The following KIF1C variants were observed in gnomAD, a reference collection of about 807,000 sequenced individuals.
The protein encoded by KIF1C is kinesin family member 1C.
A neutral mutation model predicts 126.5 loss-of-function variants in KIF1C; 61 were observed. The observed-to-expected ratio is 0.48, with a 90% CI of 0.39 to 0.60. The LOEUF is 0.60. Among genes scored for constraint, KIF1C ranks in the 20% least tolerant of loss-of-function variants. The pLI is 0.00. For synonymous variants in KIF1C, 640 were observed against 580.6 expected, an observed-to-expected ratio of 1.10 and a Z score of -1.47; for missense variants, 1,315 against 1,489.2, an observed-to-expected ratio of 0.88 and a Z score of 1.93.
rs758315025 is a variant in KIF1C at position 5,020,684 on chromosome 17, A to AG, written c.1937+11dup. 2.5e-6 allele frequency: 4 copies of AG among 1,613,124 alleles called. No homozygotes were observed. In the African/African-American group the frequency reaches 5.3e-5, roughly 22 times the overall value. ...AAGCTGGAAATGGAGAAGAGGTGCG[A>AG]GGGGGTTACCCACGTGCCCCATGGC... On this transcript the variant is annotated splice_region_variant and intron_variant, in intron 20 of 22. Transcript: ENST00000320785. The surrounding 1 kb of genome is among the most constrained non-coding windows in gnomAD (Gnocchi z 5.8).
intron 13 of KIF1C, 152 bp from the exon 14 acceptor site, chr17:5,006,763 A>G (rs1974743496): frequency 1.3e-6 from 1 of 741,632 alleles, no homozygotes. Flanking sequence ...CCATGGCTGC[A>G]GTAGGAGGGC....
chr17:5,013,562 C>A, intron 16 of KIF1C, 91 bp from the exon 17 acceptor site: 2 of 872,442 alleles, frequency 2.3e-6, no homozygotes, highest in Non-Finnish European at 3.8e-6. Flanking sequence ...AGTGCCAGGA[C>A]TGGAGGGGTG....
At chr17:5,013,053 A>G (rs1974900506) in intron 16 of KIF1C, among the ~76,000 whole-genome samples, 1 of 152,170 alleles carries the variant, frequency 6.6e-6, no homozygotes, top group Non-Finnish European at 1.5e-5. Context: ...AGAGTCAATG[A>G]GTCTGCTTCG....
chr17:5,007,862 T>A (rs951275868), intron 16 of KIF1C, among the ~76,000 whole-genome samples: 7 of 152,144 alleles, frequency 4.6e-5, no homozygotes, highest in African/African-American at 1.7e-4. Context: ...ACTAAAGAAA[T>A]CTATTTTTCA....
In KIF1C at chr17:5,007,555, TCGAG is replaced by T. The variant is rs1270287873; in HGVS notation, c.1491+18_1491+21del. 6.5e-7 allele frequency: 1 copy of T among 1,539,452 alleles called. No homozygotes were observed. The highest frequency in any genetic ancestry group is 2.3e-5 in the East Asian group (1 of 44,354). On this transcript the variant is annotated intron_variant, in intron 16 of 22. Coordinates refer to ENST00000320785, the MANE Select transcript of KIF1C (RefSeq NM_006612.6). ...CTCTCCAAAGAAGGTGAGTGAGGAA[TCGAG>T]CGAGGAGGCCTAGAGAGCTCTCTGG...
chr17:4,998,310 G>A (rs146557564), intron 1 of KIF1C, among the ~76,000 whole-genome samples, 154 bp downstream of exon 1: 1,738 of 152,298 alleles, frequency 0.011, 21 homozygotes, highest in Non-Finnish European at 0.014. Context: ...GCCAGGCCCG[G>A]GCGGCCGCCG....
chr17:5,023,077 C>T lies in KIF1C; in HGVS notation c.2628+368C>T, dbSNP rs1201121528. Among the ~76,000 whole-genome samples, 4 of 152,212 alleles carry T rather than the reference C, an allele frequency of 2.6e-5. No homozygotes were observed. Among genetic ancestry groups the T allele is most frequent in the African/African-American group, 9.6e-5 (4 of 41,452 alleles). ...GTTGCCAGTCTGGAGTGCAGTGGCA[C>T]AATCTCGGCTCACTGCAACTTCCGC... is the stretch of plus-strand genomic sequence containing the variant. On this transcript the variant is annotated intron_variant, in intron 22 of 22. Coordinates refer to ENST00000320785, the MANE Select transcript of KIF1C (RefSeq NM_006612.6). The surrounding 1 kb of genome is among the most constrained non-coding windows in gnomAD (Gnocchi z 4.2).
At chr17:5,002,194 A>C in intron 6 of KIF1C, 70 bp downstream of exon 6, 1 of 1,415,062 alleles carries the variant, frequency 7.1e-7, no homozygotes, top group Non-Finnish European at 1.0e-6. Flanking sequence ...GGAATCAGAC[A>C]GCCTGGGATC....
chr17:5,014,932 G>C (rs766420497), intron 18 of KIF1C, 95 bp downstream of exon 18: 12 of 1,002,194 alleles, frequency 1.2e-5, no homozygotes, highest in Non-Finnish European at 1.8e-5. Context: ...GGGCACCAGG[G>C]AGTGCAGCCA....
intron 16 of KIF1C, among the ~76,000 whole-genome samples, 173 bp from the exon 17 acceptor site, chr17:5,013,480 G>A (rs1017113005): frequency 1.3e-5 from 2 of 152,084 alleles, no homozygotes; most frequent in African/African-American, 2.4e-5. Context: ...GAACGTCATC[G>A]GGGTGGAGGG....
chr17:5,000,227 G>T lies in KIF1C; in HGVS notation c.-20G>T. 6.5e-7 allele frequency: 1 copy of T among 1,530,094 alleles called. No individual in the cohort carries two copies. The highest frequency in any genetic ancestry group is 8.9e-7 in the Non-Finnish European group (1 of 1,125,600). 94.8% of individuals were successfully genotyped at this position (1,530,094 alleles called of 1,614,324 possible). On this transcript the variant is annotated 5_prime_UTR_variant, in exon 3 of 23. It adds an upstream start codon to the 5' untranslated region. Coordinates refer to ENST00000320785, the MANE Select transcript of KIF1C (RefSeq NM_006612.6). ...CCTTTCTCTGTCCTCCAGCTGAGGAGGGCAGGAGTGTCTGGAGCTATGGCT... is the reference window on the plus strand; with the variant it reads ...CCTTTCTCTGTCCTCCAGCTGAGGATGGCAGGAGTGTCTGGAGCTATGGCT...
chr17:5,024,438 G>C lies in KIF1C; in HGVS notation c.*287G>C, dbSNP rs191657829. On this transcript the variant is annotated 3_prime_UTR_variant, in exon 23 of 23. Transcript: ENST00000320785. ...CCACAAACGCTGCTATGGGTGGGGT[G>C]GGGGGCTGGGGTGCTGCGTAGCCAG... 35 of 376,112 alleles carry C rather than the reference G, an allele frequency of 9.3e-5. No individual in the cohort carries two copies. The highest frequency in any genetic ancestry group is 5.8e-4 in the African/African-American group (28 of 48,000). 23.3% of individuals were successfully genotyped at this position (376,112 alleles called of 1,614,324 possible).
Position 5,004,931 on chromosome 17 carries a change from C to T in KIF1C, c.1096C>T (p.Leu366=). The T allele has an allele frequency of 6.2e-7, 1 of 1,614,218 alleles. No individual in the cohort carries two copies. Residue 366 remains leucine, a synonymous_variant, in exon 13 of 23, where the codon CTG becomes TTG. Coordinates refer to ENST00000320785, the MANE Select transcript of KIF1C (RefSeq NM_006612.6). ...EDPNARLIRE[L]QEEVARLREL... ...CCCTAATGCCCGGCTGATTAGAGAGCTGCAGGAGGAAGTAGCCCGGCTGCG... is the reference window on the plus strand; with the variant it reads ...CCCTAATGCCCGGCTGATTAGAGAGTTGCAGGAGGAAGTAGCCCGGCTGCG...
rs2143403914 is a variant in KIF1C at position 5,026,745 on chromosome 17, A to C, written c.*2594A>C. On this transcript the variant is annotated 3_prime_UTR_variant, in exon 23 of 23. Transcript: ENST00000320785. ...GGGCAAGAGTGGGACTCTCTCAAAAAAAAAAAAAAAAAAAAATCCACATAT... is the reference window on the plus strand; with the variant it reads ...GGGCAAGAGTGGGACTCTCTCAAAACAAAAAAAAAAAAAAAATCCACATAT... 6.6e-6 allele frequency: 1 copy of C among 150,962 alleles called. No individual in the cohort carries two copies. Among genetic ancestry groups the C allele is most frequent in the Non-Finnish European group, 1.5e-5 (1 of 67,782 alleles). 9.4% of individuals were successfully genotyped at this position (150,962 alleles called of 1,614,324 possible). A position where few individuals can be genotyped will look rare whatever the true frequency, so the allele number is the denominator to read the frequency against.
intron 16 of KIF1C, 28 bp downstream of exon 16, chr17:5,007,570 T>C (rs1199712891): frequency 2.6e-6 from 4 of 1,513,732 alleles, no homozygotes; most frequent in South Asian, 1.3e-5. Flanking sequence ...CGAGGAGGCC[T>C]AGAGAGCTCT....
At chr17:5,012,957 G>C (rs929646172) in intron 16 of KIF1C, among the ~76,000 whole-genome samples, 1 of 152,134 alleles carries the variant, frequency 6.6e-6, no homozygotes, top group South Asian at 2.1e-4. Flanking sequence ...CTTGGCTGGG[G>C]GCCTTAGGCA....
Position 5,024,310 on chromosome 17 carries a change from A to G in KIF1C, c.*159A>G. 1 of 556,184 alleles carries G rather than the reference A, an allele frequency of 1.8e-6. No individual in the cohort carries two copies. The highest frequency in any genetic ancestry group is 2.6e-5 in the South Asian group (1 of 38,766). 34.5% of individuals were successfully genotyped at this position (556,184 alleles called of 1,614,324 possible). A position where few individuals can be genotyped will look rare whatever the true frequency, so the allele number is the denominator to read the frequency against. ...GAAGACAAGGGGGAGACCGAGCCGG[A>G]GGCTGAGGAAAGGAAGAGGGCACGG... On this transcript the variant is annotated 3_prime_UTR_variant, in exon 23 of 23. Coordinates refer to ENST00000320785, the MANE Select transcript of KIF1C (RefSeq NM_006612.6).
intron 16 of KIF1C, among the ~76,000 whole-genome samples, chr17:5,009,746 C>T (rs1974818721): frequency 6.7e-6 from 1 of 149,268 alleles, no homozygotes; most frequent in Non-Finnish European, 1.5e-5. Flanking sequence ...TGAGATCGCA[C>T]CACTGCACTC....
chr17:5,024,053 C>T lies in KIF1C; in HGVS notation c.3214C>T (p.Arg1072Trp), dbSNP rs748194713. ...PQPPQPYPAQ[R>W]PPGPRYPPYT... ...GCCACCCCAACCCTACCCAGCCCAGCGGCCCCCAGGGCCCCGCTACCCCCC... is the reference window on the plus strand; with the variant it reads ...GCCACCCCAACCCTACCCAGCCCAGTGGCCCCCAGGGCCCCGCTACCCCCC... The change falls in exon 23 of 23, where the codon CGG becomes TGG. Residue 1072 changes from arginine to tryptophan, a missense_variant. By Grantham distance (101) the Arg-to-Trp change is moderately radical. This residue lies in a region of KIF1C where 441 missense variants were observed against 436.1 expected (regional missense o/e 1.01). Transcript: ENST00000320785. The T allele has an allele frequency of 8.3e-6, 13 of 1,571,534 alleles. No homozygotes were observed. Among genetic ancestry groups the T allele is most frequent in the South Asian group, 7.0e-5 (6 of 85,900 alleles).
Sources: gnomAD v4.1 joint callset for allele counts (sites outside exome capture counted in the v4.1 genomes callset) on GRCh38, gnomAD v4.1.1 for gene constraint, gnomAD v4.1.1 regional missense constraint, Gnocchi (gnomAD v3.1) non-coding constraint, MANE v1.5 for transcripts, NCBI Gene and HGNC (gene_info 2026-07-23, HGNC 2026-07-21) for gene names.